The following MARCO variants were observed in gnomAD, a reference collection of about 807,000 sequenced individuals.
MARCO encodes macrophage receptor with collagenous structure, also known as macrophage receptor MARCO.
A neutral mutation model predicts 70.0 loss-of-function variants in MARCO; 72 were observed. The observed-to-expected ratio is 1.03, with a 90% CI of 0.85 to 1.25. The LOEUF (loss-of-function observed/expected upper bound fraction) is 1.25, where lower values mean the gene tolerates loss of function less well. Ranked by LOEUF, MARCO falls within the 50% of genes most tolerant of loss-of-function variation. MARCO has a pLI of 0.00. For missense variants in MARCO, 696 were observed against 659.3 expected (o/e 1.06, Z -0.61); for synonymous variants, 273 against 243.1 (o/e 1.12, Z -1.14).
Position 118,993,267 on chromosome 2 carries a change from T to C in MARCO, c.1396T>C (p.Ser466Pro). ...TGTCTTCTGCCGCATGCTGGGTTACTCCAAAGGAAGGGCCCTGTACAAAGT... is the reference window on the plus strand; with the variant it reads ...TGTCTTCTGCCGCATGCTGGGTTACCCCAAAGGAAGGGCCCTGTACAAAGT... The part of the protein sequence containing the change: ...AIVFCRMLGY[S>P]KGRALYKVGA... The change falls in exon 16 of 17, where the codon TCC (serine) becomes CCC (proline). Residue 466 changes from serine to proline, a missense_variant. Ser to Pro is a moderately conservative substitution (Grantham distance 74). Transcript: ENST00000327097. 3 of 1,614,124 alleles carry C rather than the reference T, an allele frequency of 1.9e-6. No homozygotes were observed. The highest frequency in any genetic ancestry group is 2.5e-6 in the Non-Finnish European group (3 of 1,180,032).
intron 16 of MARCO, among the ~76,000 whole-genome samples, chr2:118,993,791 TAAAATGTGTGG>T (rs939400803): frequency 2.6e-5 from 4 of 152,334 alleles, no homozygotes; most frequent in Admixed American, 6.5e-5. Flanking sequence ...AGGGACTTAC[TAAAATGTGTGG>T]AAAATGTCTT....
chr2:118,978,929 G>A (rs183524114), intron 8 of MARCO, among the ~76,000 whole-genome samples: 84 of 152,220 alleles, frequency 5.5e-4, no homozygotes, highest in African/African-American at 2.0e-3. Context: ...GACAGACCTG[G>A]GTTCTGATAT....
In MARCO at chr2:118,982,171, AG is replaced by A; in HGVS notation, c.920del (p.Gly307ValfsTer41). The part of the protein sequence containing the change: ...AKGDQGQPGL[Q>X]GVPGPPGAVG... Reference sequence around the variant, plus strand: ...TTCCTTTCAGGACAACCTGGACTGCAGGGTGTTCCGGGCCCTCCTGGTGCAG... The same window carrying A: ...TTCCTTTCAGGACAACCTGGACTGCAGGTGTTCCGGGCCCTCCTGGTGCAG... On this transcript the variant is annotated frameshift_variant, in exon 11 of 17. Transcript: ENST00000327097. LOFTEE classifies it high-confidence loss of function. 1.2e-6 allele frequency: 2 copies of A among 1,611,726 alleles called. No individual in the cohort carries two copies. The highest frequency in any genetic ancestry group is 2.2e-5 in the East Asian group (1 of 44,824).
chr2:118,986,652 A>AAGGAAGGAAGGAAG (rs1680500410), intron 12 of MARCO, among the ~76,000 whole-genome samples: 1 of 48,442 alleles, frequency 2.1e-5, no homozygotes, highest in African/African-American at 1.2e-4. Flanking sequence ...AAAGAAAGAA[A>AAGGAAGGAAGGAAG]GAAGGAAGGA....
intron 8 of MARCO, among the ~76,000 whole-genome samples, chr2:118,979,503 G>A (rs1330516369): frequency 6.6e-6 from 1 of 152,136 alleles, no homozygotes; most frequent in Non-Finnish European, 1.5e-5. Flanking sequence ...TTTATAGATG[G>A]GAAAGGGAGA....
intron 1 of MARCO, among the ~76,000 whole-genome samples, chr2:118,955,469 C>A (rs190785693): frequency 2.6e-4 from 40 of 152,132 alleles, no homozygotes; most frequent in African/African-American, 9.2e-4. Context: ...AACAACCACA[C>A]CTAAGAATAA....
chr2:118,986,669 G>GAAAA (rs1680505590), intron 12 of MARCO, among the ~76,000 whole-genome samples: 1 of 43,654 alleles, frequency 2.3e-5, no homozygotes, highest in African/African-American at 1.4e-4. Flanking sequence ...AGGAAGGAAG[G>GAAAA]AAGGAAAGAA....
intron 14 of MARCO, 45 bp from the exon 15 acceptor site, chr2:118,992,387 T>G: frequency 6.3e-7 from 1 of 1,580,070 alleles, no homozygotes; most frequent in Non-Finnish European, 8.7e-7. Context: ...AAAGGCGTCC[T>G]GCCTGGGTTT....
rs759732269 is a variant in MARCO at position 118,942,328 on chromosome 2, GACGA to G, written c.29_32del (p.Asp10GlyfsTer3). ...GAGAAATAAGAAAATTCTCAAGGAG[GACGA>G]GCTCTTGAGTGAGACCCAACAAGCT... On this transcript the variant is annotated frameshift_variant, in exon 1 of 17. Coordinates refer to ENST00000327097, the MANE Select transcript of MARCO (RefSeq NM_006770.4). LOFTEE classifies it high-confidence loss of function. 6.2e-7 allele frequency: 1 copy of G among 1,613,676 alleles called. No individual in the cohort carries two copies. Among genetic ancestry groups the G allele is most frequent in the South Asian group, 1.1e-5 (1 of 91,056 alleles).
At chr2:118,968,268 T>C (rs1033249775) in intron 1 of MARCO, among the ~76,000 whole-genome samples, 3 of 152,308 alleles carry the variant, frequency 2.0e-5, no homozygotes, top group Admixed American at 1.3e-4. Context: ...ACAGCCTCTT[T>C]TGTAATGTCG....
chr2:118,981,768 A>G, intron 10 of MARCO, 112 bp downstream of exon 10: 1 of 1,137,498 alleles, frequency 8.8e-7, no homozygotes, highest in Non-Finnish European at 1.3e-6. Context: ...CACCCAGAAC[A>G]CCTGGGGTTT....
chr2:118,970,769 G>A (rs1680150957), intron 3 of MARCO, among the ~76,000 whole-genome samples: 1 of 152,198 alleles, frequency 6.6e-6, no homozygotes, highest in African/African-American at 2.4e-5. Flanking sequence ...TTCCCTCGGT[G>A]CTCTCAGGGC....
intron 15 of MARCO, 56 bp downstream of exon 15, chr2:118,992,532 A>C: frequency 6.9e-7 from 1 of 1,441,806 alleles, no homozygotes. Flanking sequence ...TCTGCACCTG[A>C]AAATTGTGTG....
In MARCO at chr2:118,977,318, AAGAGAGAG is replaced by A. The variant is rs60485337; in HGVS notation, c.614-142_614-135del. On this transcript the variant is annotated intron_variant, in intron 6 of 16. Coordinates refer to ENST00000327097, the MANE Select transcript of MARCO (RefSeq NM_006770.4). ...ATTGTGTGTGTGCATGTGTGTGAAA[AAGAGAGAG>A]AGAGAGAGAGTGAGAGTGAGAGAGA... Among the ~76,000 whole-genome samples the A allele has an allele frequency of 9.1e-3, 1,338 of 146,976 alleles. 17 individuals are homozygous for A. Among genetic ancestry groups the A allele is most frequent in the African/African-American group, 0.03 (1,216 of 40,628 alleles).
chr2:118,943,026 T>C (rs1558826167), intron 1 of MARCO, among the ~76,000 whole-genome samples: 1 of 152,238 alleles, frequency 6.6e-6, no homozygotes, highest in African/African-American at 2.4e-5. Flanking sequence ...TTTGTAGCAT[T>C]TGAAGTCATG....
intron 8 of MARCO, among the ~76,000 whole-genome samples, chr2:118,980,932 G>A (rs1341470735): frequency 6.6e-6 from 1 of 152,166 alleles, no homozygotes; most frequent in Non-Finnish European, 1.5e-5. Context: ...TTGAAATCTT[G>A]GGTACCAGGA....
intron 8 of MARCO, among the ~76,000 whole-genome samples, chr2:118,978,592 C>A (rs977036339): frequency 1.2e-4 from 19 of 152,198 alleles, no homozygotes; most frequent in Non-Finnish European, 2.5e-4. Context: ...CGGGGCCAGG[C>A]GGGCTTGGTT....
At chr2:118,951,386 C>A (rs1056192279) in intron 1 of MARCO, among the ~76,000 whole-genome samples, 3 of 152,220 alleles carry the variant, frequency 2.0e-5, no homozygotes, top group Admixed American at 2.0e-4. Flanking sequence ...TAGCCGCATA[C>A]CTTAAGGTTC....
intron 12 of MARCO, among the ~76,000 whole-genome samples, chr2:118,989,609 G>A (rs1680583682): frequency 6.6e-6 from 1 of 152,216 alleles, no homozygotes; most frequent in Non-Finnish European, 1.5e-5. Context: ...CCAGCACACT[G>A]CAGGTGCTTG....
Sources: gnomAD v4.1 joint callset for allele counts (sites outside exome capture counted in the v4.1 genomes callset) on GRCh38, gnomAD v4.1.1 for gene constraint, MANE v1.5 for transcripts, NCBI Gene and HGNC (gene_info 2026-07-23, HGNC 2026-07-21) for gene names.